Variants in NRXN3 observed in about 807,000 individuals in gnomAD.
NRXN3 encodes neurexin 3, also known as neurexin III.
A neutral mutation model predicts 137.6 loss-of-function variants in NRXN3; 32 were observed. The ratio of observed to expected loss-of-function variants is 0.23; its 90% CI spans 0.18 to 0.31. The LOEUF (loss-of-function observed/expected upper bound fraction) is 0.31, where lower values mean the gene tolerates loss of function less well. Among genes scored for constraint, NRXN3 ranks in the 10% least tolerant of loss-of-function variants. The probability of loss-of-function intolerance (pLI) is 1.00; values close to 1 mark genes in which losing one functional copy is unlikely to be tolerated. For missense variants in NRXN3, 1,574 were observed against 2,062.5 expected (o/e 0.76, Z 4.59); for synonymous variants, 798 against 784.5 (o/e 1.02, Z -0.29).
intron 4 of NRXN3, among the ~76,000 whole-genome samples, chr14:78,548,476 G>T (rs1371282212): frequency 6.6e-6 from 1 of 152,124 alleles, no homozygotes; most frequent in Admixed American, 6.5e-5. Flanking sequence ...AAGGGGAAAT[G>T]GATGATAGAC....
intron 15 of NRXN3, among the ~76,000 whole-genome samples, chr14:79,106,628 C>A (rs1292630576): frequency 2.6e-5 from 4 of 152,028 alleles, no homozygotes; most frequent in African/African-American, 9.7e-5. Context: ...CTGGACACAT[C>A]ATATAATTTA....
intron 16 of NRXN3, among the ~76,000 whole-genome samples, chr14:79,489,279 C>T (rs1294915783): frequency 6.6e-6 from 1 of 152,124 alleles, no homozygotes; most frequent in Non-Finnish European, 1.5e-5. Flanking sequence ...TTTCATGGCT[C>T]ATATTTTCTC....
At chr14:79,627,313 G>T (rs918994613) in intron 16 of NRXN3, among the ~76,000 whole-genome samples, 2 of 152,140 alleles carry the variant, frequency 1.3e-5, no homozygotes, top group African/African-American at 4.8e-5. Flanking sequence ...TGGGGGCATG[G>T]ACTGAAACTT....
At chr14:79,399,935 AG>A (rs983086299) in intron 15 of NRXN3, among the ~76,000 whole-genome samples, 3 of 152,102 alleles carry the variant, frequency 2.0e-5, no homozygotes, top group African/African-American at 7.2e-5. Context: ...GGCTTTTAGC[AG>A]CGTCACTCCA....
chr14:79,331,840 C>CTGTG (rs58746209), intron 15 of NRXN3, among the ~76,000 whole-genome samples: 1,947 of 148,810 alleles, frequency 0.013, 37 homozygotes, highest in African/African-American at 0.043. Flanking sequence ...AAGGCTTTTG[C>CTGTG]TGTGTGTGTG....
chr14:78,524,862 A>G (rs2032747), intron 4 of NRXN3, among the ~76,000 whole-genome samples: 90,261 of 151,984 alleles, frequency 0.59, 28,319 homozygotes, highest in Non-Finnish European at 0.69. Flanking sequence ...GATGGTGGGC[A>G]AGGATCATGA....
intron 10 of NRXN3, among the ~76,000 whole-genome samples, chr14:78,922,183 A>G (rs1044311309): frequency 2.6e-5 from 4 of 152,186 alleles, no homozygotes; most frequent in Non-Finnish European, 1.5e-5. Flanking sequence ...ATCGTCCTAT[A>G]TGGATATTCT....
intron 15 of NRXN3, among the ~76,000 whole-genome samples, chr14:79,029,414 C>T (rs1356780406): frequency 6.6e-6 from 1 of 152,106 alleles, no homozygotes; most frequent in African/African-American, 2.4e-5. Flanking sequence ...TCGGTTCCTG[C>T]CCCGACACCC....
intron 10 of NRXN3, among the ~76,000 whole-genome samples, chr14:78,873,519 A>T (rs2099106348): frequency 6.6e-6 from 1 of 152,178 alleles, no homozygotes; most frequent in South Asian, 2.1e-4. Context: ...CATTTGTTCA[A>T]CAGGCTTTTA....
intron 19 of NRXN3, among the ~76,000 whole-genome samples, chr14:79,724,037 A>C (rs2098862985): frequency 6.6e-6 from 1 of 152,164 alleles, no homozygotes; most frequent in Admixed American, 6.5e-5. Context: ...AGGTTTACGG[A>C]AGAAGGAACA....
intron 15 of NRXN3, among the ~76,000 whole-genome samples, chr14:79,149,717 G>A (rs2059629549): frequency 6.6e-6 from 1 of 152,068 alleles, no homozygotes; most frequent in Non-Finnish European, 1.5e-5. Context: ...GGACGTGGAA[G>A]GAGCTGGAAG....
chr14:79,477,308 A>C (rs1057462215), intron 16 of NRXN3, among the ~76,000 whole-genome samples: 1 of 152,144 alleles, frequency 6.6e-6, no homozygotes, highest in Non-Finnish European at 1.5e-5. Flanking sequence ...ATGGATTAGC[A>C]CAAAGAACAT....
At chr14:79,460,162 T>C (rs1465921218) in intron 15 of NRXN3, among the ~76,000 whole-genome samples, 8 of 152,126 alleles carry the variant, frequency 5.3e-5, no homozygotes, top group Admixed American at 6.6e-5. Context: ...AGTTAAAGTA[T>C]ATATAAGGTA....
At position 79,614,639 on chromosome 14, in the gene NRXN3, T is replaced by C. The variant is rs2098136567; in HGVS notation, c.3445-49139T>C. Among the ~76,000 whole-genome samples, 3 of 152,322 alleles carry C rather than the reference T, an allele frequency of 2.0e-5. No homozygotes were observed. In the South Asian group the frequency reaches 6.2e-4, roughly 32 times the overall value. ...CTTGCACTGCTAACAGTGGTCAGTA[T>C]TGAATTATGGGGAACGTGAACAGAA... On this transcript the variant is annotated intron_variant, in intron 16 of 20. Transcript: ENST00000335750.
chr14:79,315,932 T>C (rs2153233626), intron 15 of NRXN3, among the ~76,000 whole-genome samples: 1 of 152,252 alleles, frequency 6.6e-6, no homozygotes, highest in African/African-American at 2.4e-5. Flanking sequence ...TTTGGGGAGA[T>C]GGTTAAATAA....
At chr14:79,261,742 T>C (rs1405041511) in intron 15 of NRXN3, among the ~76,000 whole-genome samples, 1 of 151,992 alleles carries the variant, frequency 6.6e-6, no homozygotes, top group Non-Finnish European at 1.5e-5. Flanking sequence ...TTTAGCACTA[T>C]GCACATATTA....
chr14:78,915,581 T>C (rs1223592536), intron 10 of NRXN3, among the ~76,000 whole-genome samples: 1 of 151,822 alleles, frequency 6.6e-6, no homozygotes, highest in African/African-American at 2.4e-5. Flanking sequence ...AAATGGAAAA[T>C]ATATAGAAAT....
At position 78,988,028 on chromosome 14, in the gene NRXN3, G is replaced by C; in HGVS notation, c.3149G>C (p.Ser1050Thr). 3 of 1,613,584 alleles carry C rather than the reference G, an allele frequency of 1.9e-6. No individual in the cohort carries two copies. Among genetic ancestry groups the C allele is most frequent in the Non-Finnish European group, 1.7e-6 (2 of 1,179,786 alleles). Residue 1050 changes from serine (S) to threonine (T), a missense_variant, in exon 15 of 21, where the codon AGT (serine) becomes ACT (threonine). This residue lies in a region of NRXN3 where 718 missense variants were observed against 887.6 expected (regional missense o/e 0.81). Coordinates refer to ENST00000335750, the MANE Select transcript of NRXN3 (RefSeq NM_001330195.2). ...TCTTCTTGTGCATTACTAGGACCCA[G>C]TACCACCTGCCAGGAAGATTCATGT... is the stretch of plus-strand genomic sequence containing the variant. ...GQIERGCEGP[S>T]TTCQEDSCAN...
At chr14:78,974,593 A>G (rs776075247) in intron 14 of NRXN3, among the ~76,000 whole-genome samples, 8 of 152,224 alleles carry the variant, frequency 5.3e-5, no homozygotes, top group Non-Finnish European at 8.8e-5. Context: ...CTAGGCATCA[A>G]TATGGTTTTA....
Sources: allele counts gnomAD v4.1 joint callset (sites outside exome capture counted in the v4.1 genomes callset), GRCh38; gene constraint gnomAD v4.1.1; regional missense constraint gnomAD v4.1.1; transcripts MANE v1.5; gene names NCBI Gene and HGNC (gene_info 2026-07-23, HGNC 2026-07-21).